The following FRAS1 variants were observed in gnomAD, a reference collection of about 807,000 sequenced individuals.
FRAS1 encodes extracellular matrix organizing protein FRAS1.
Under a neutral mutation model 435.2 loss-of-function variants are expected in FRAS1, and 290 were observed. The ratio of observed to expected loss-of-function variants is 0.67; its 90% CI spans 0.61 to 0.73. The LOEUF is 0.73. Ranked by LOEUF, FRAS1 falls within the 30% of genes least tolerant of loss-of-function variation. FRAS1 has a pLI of 0.00. For missense variants in FRAS1, 4,860 were observed against 5,001.5 expected, an observed-to-expected ratio of 0.97 and a Z score of 0.85; for synonymous variants, 1,800 against 1,851.0, an observed-to-expected ratio of 0.97 and a Z score of 0.71.
chr4:78,195,271 C>G (rs1366476763), intron 2 of FRAS1, among the ~76,000 whole-genome samples: 1 of 152,222 alleles, frequency 6.6e-6, no homozygotes, highest in African/African-American at 2.4e-5. Flanking sequence ...CAGCTGCGTG[C>G]TGGGAGAACC....
chr4:78,307,984 G>C (rs1481682297), intron 14 of FRAS1, 82 bp from the exon 15 acceptor site: 2 of 1,378,648 alleles, frequency 1.5e-6, no homozygotes, highest in East Asian at 4.9e-5. Context: ...TCCTCCTTGT[G>C]TATTCTAAAA....
intron 2 of FRAS1, among the ~76,000 whole-genome samples, chr4:78,104,358 T>C (rs999160302): frequency 6.6e-6 from 1 of 152,200 alleles, no homozygotes; most frequent in Non-Finnish European, 1.5e-5. Context: ...GGGCCTGAGA[T>C]AGTAAGAAGT....
At chr4:78,248,385 C>T (rs563813077) in intron 4 of FRAS1, among the ~76,000 whole-genome samples, 2 of 152,256 alleles carry the variant, frequency 1.3e-5, no homozygotes, top group African/African-American at 2.4e-5. Context: ...GGGAAAGGAC[C>T]ATGAATCCCC....
intron 2 of FRAS1, among the ~76,000 whole-genome samples, chr4:78,134,807 T>G (rs1368691258): frequency 6.6e-6 from 1 of 152,202 alleles, no homozygotes. Flanking sequence ...GTAGGTGCTG[T>G]TATTTATCCC....
At chr4:78,338,574 C>G (rs1465310258) in intron 20 of FRAS1, among the ~76,000 whole-genome samples, 1 of 152,294 alleles carries the variant, frequency 6.6e-6, no homozygotes, top group South Asian at 2.1e-4. Context: ...CAGAGCTTCT[C>G]CTTTATTAGC....
chr4:78,408,263 A>G (rs1733183169), intron 31 of FRAS1, among the ~76,000 whole-genome samples: 1 of 152,138 alleles, frequency 6.6e-6, no homozygotes, highest in Admixed American at 6.5e-5. Flanking sequence ...GAATTATGGG[A>G]GCTATGATTC....
Position 78,387,380 on chromosome 4 carries a change from C to T in FRAS1, c.3654C>T (p.Pro1218=). The T allele has an allele frequency of 6.2e-7, 1 of 1,605,208 alleles. No homozygotes were observed. The highest frequency in any genetic ancestry group is 8.5e-7 in the Non-Finnish European group (1 of 1,174,960). The change falls in exon 29 of 74, where the codon CCC becomes CCT. Residue 1218 remains proline, a synonymous_variant. Coordinates refer to ENST00000512123, the MANE Select transcript of FRAS1 (RefSeq NM_025074.7). ...INIQAFSTQA[P]YVLRNEVLHI... Reference sequence around the variant, plus strand: ...TCTTCCCTTCAACTCCACAGGCCCCCTATGTGCTGAGAAATGAAGTTCTCC... The same window carrying T: ...TCTTCCCTTCAACTCCACAGGCCCCTTATGTGCTGAGAAATGAAGTTCTCC...
chr4:78,115,765 C>A (rs1401483056), intron 2 of FRAS1, among the ~76,000 whole-genome samples: 5 of 151,698 alleles, frequency 3.3e-5, no homozygotes, highest in African/African-American at 1.2e-4. Flanking sequence ...TTTTGTTGAT[C>A]TTTTCAAAAA....
intron 22 of FRAS1, among the ~76,000 whole-genome samples, chr4:78,365,501 C>G (rs927933475): frequency 2.0e-5 from 3 of 151,976 alleles, no homozygotes; most frequent in African/African-American, 7.3e-5. Flanking sequence ...AAATAGAATC[C>G]ATTGTATGAA....
chr4:78,446,444 A>T, intron 42 of FRAS1: 1 of 1,203,434 alleles, frequency 8.3e-7, no homozygotes, highest in Non-Finnish European at 1.0e-6. Context: ...GTCAAAGCAC[A>T]TATCCATATT....
At chr4:78,161,742 C>CAAAAAAAAAAAAAAAAAAAAAAAA (rs71214399) in intron 2 of FRAS1, among the ~76,000 whole-genome samples, 7 of 24,886 alleles carry the variant, frequency 2.8e-4, no homozygotes, top group African/African-American at 9.8e-4. Context: ...AACTCTGTCT[C>CAAAAAAAAAAAAAAAAAAAAAAAA]AAAAAAAAAA....
rs1439321964 is a variant in FRAS1 at position 78,057,860 on chromosome 4, CG to C, written c.-149del. 4.5e-6 allele frequency: 3 copies of C among 665,616 alleles called. No homozygotes were observed. The East Asian group carries it at 8.0e-5, about 18-fold the overall frequency. 41.2% of individuals were successfully genotyped at this position (665,616 alleles called of 1,614,324 possible). On this transcript the variant is annotated 5_prime_UTR_variant, in exon 1 of 74. The change abolishes the stop of an existing upstream ORF in the 5' untranslated region. Transcript: ENST00000512123. The surrounding 1 kb of genome is among the most constrained non-coding windows in gnomAD (Gnocchi z 4.2). ...CTCCGGGCTGATGAGTGTCGCTCTC[CG>C]CCCGTCCATCTCTTTTTCCCGGAGG...
chr4:78,345,088 G>A (rs1031541196), intron 20 of FRAS1, among the ~76,000 whole-genome samples: 1 of 152,172 alleles, frequency 6.6e-6, no homozygotes, highest in Admixed American at 6.5e-5. Context: ...GATCTGGGCC[G>A]TTAAAAGCAG....
At chr4:78,139,703 G>A (rs1720079108) in intron 2 of FRAS1, among the ~76,000 whole-genome samples, 2 of 152,020 alleles carry the variant, frequency 1.3e-5, no homozygotes, top group Admixed American at 6.5e-5. Flanking sequence ...ATTTCTTTAA[G>A]ATTTAAAAAA....
rs753730371 is a variant in FRAS1, at chr4:78,278,660, A to G, written c.987A>G (p.Glu329=). The change falls in exon 10 of 74, where the codon GAA becomes GAG. Residue 329 remains glutamate (E), a synonymous_variant. Coordinates refer to ENST00000512123, the MANE Select transcript of FRAS1 (RefSeq NM_025074.7). ...ECAKVECARD[E]ELIHLDGKCC... is the part of the protein sequence containing the mutation. ...TGCAACCCTTATTTCTACAGGATGA[A>G]GAATTAATTCACTTAGATGGAAAGT... The G allele has an allele frequency of 1.5e-5, 24 of 1,578,336 alleles. No homozygotes were observed. The highest frequency in any genetic ancestry group is 1.9e-5 in the Non-Finnish European group (22 of 1,147,706).
At chr4:78,388,161 T>A (rs901607645) in intron 29 of FRAS1, among the ~76,000 whole-genome samples, 1 of 151,654 alleles carries the variant, frequency 6.6e-6, no homozygotes, top group Non-Finnish European at 1.5e-5. Context: ...CCGTCTCTAC[T>A]GAAAATACAA....
intron 50 of FRAS1, among the ~76,000 whole-genome samples, chr4:78,469,538 C>T (rs1220614067): frequency 1.3e-5 from 2 of 151,956 alleles, no homozygotes; most frequent in African/African-American, 4.8e-5. Context: ...TGGCATAATC[C>T]CACCTAGAAA....
chr4:78,437,017 G>C (rs1734456734), intron 38 of FRAS1, among the ~76,000 whole-genome samples: 1 of 152,132 alleles, frequency 6.6e-6, no homozygotes, highest in Non-Finnish European at 1.5e-5. Flanking sequence ...TGAGAACAAG[G>C]TCTGTATTCT....
intron 51 of FRAS1, 28 bp downstream of exon 51, chr4:78,470,119 C>T (rs758981318): frequency 1.0e-5 from 15 of 1,446,026 alleles, no homozygotes; most frequent in Non-Finnish European, 1.5e-5. Context: ...GTCATGTTCA[C>T]ACCACCCAAC....
Sources: gnomAD v4.1 joint callset for allele counts (sites outside exome capture counted in the v4.1 genomes callset) on GRCh38, gnomAD v4.1.1 for gene constraint, Gnocchi (gnomAD v3.1) non-coding constraint, MANE v1.5 for transcripts, NCBI Gene and HGNC (gene_info 2026-07-23, HGNC 2026-07-21) for gene names.